CATSPER1: variants seen among roughly 807,000 people sequenced by gnomAD.
CATSPER1 encodes the protein cation channel sperm associated 1.
A neutral mutation model predicts 72.7 loss-of-function variants in CATSPER1; 57 were observed. That is an observed-to-expected ratio of 0.78 (90% CI 0.63 to 0.98). The LOEUF (loss-of-function observed/expected upper bound fraction) is 0.98, where lower values mean the gene tolerates loss of function less well. Among genes scored for constraint, CATSPER1 ranks in the 50% least tolerant of loss-of-function variants. The probability of loss-of-function intolerance (pLI) is 0.00; values close to 1 mark genes in which losing one functional copy is unlikely to be tolerated. For missense variants in CATSPER1, 910 were observed against 1,033.9 expected (o/e 0.88, Z 1.64); for synonymous variants, 363 against 403.0 (o/e 0.90, Z 1.19).
In CATSPER1 at chr11:66,023,058, C is replaced by A. The variant is rs1030798955; in HGVS notation, c.1220G>T (p.Gly407Val). 1.9e-6 allele frequency: 3 copies of A among 1,613,750 alleles called. No individual in the cohort carries two copies. Among genetic ancestry groups the A allele is most frequent in the African/African-American group, 1.3e-5 (1 of 74,938 alleles). ...CTTCTTGCGGGTCCGCTGGAGCCGG[C>A]CGGCTGAAAGGAACAGGGCCAGAAA... ...EEGQFQKRKT[G>V]RLQRTRKKGH... The change falls in exon 2 of 12, where the codon GGC becomes GTC. Residue 407 changes from glycine (G) to valine (V), a missense_variant. Gly to Val is a moderately radical substitution (Grantham distance 109). Transcript: ENST00000312106.
chr11:66,025,975 G>T lies in CATSPER1; in HGVS notation c.405C>A (p.Phe135Leu). The T allele has an allele frequency of 6.2e-7, 1 of 1,613,830 alleles. No individual in the cohort carries two copies. Among genetic ancestry groups the T allele is most frequent in the Non-Finnish European group, 8.5e-7 (1 of 1,179,952 alleles). The change falls in exon 1 of 12, where the codon TTC becomes TTA. Residue 135 changes from phenylalanine to leucine, a missense_variant. Transcript: ENST00000312106. ...GGTAATGGGAGTCACTCTGCTGATGGAACCCACCGTATTGGGACCCATCAT... is the reference window on the plus strand; with the variant it reads ...GGTAATGGGAGTCACTCTGCTGATGTAACCCACCGTATTGGGACCCATCAT... The part of the protein sequence containing the change: ...RHHDGSQYGG[F>L]HQQSDSHYHR...
At position 66,022,895 on chromosome 11, in the gene CATSPER1, G is replaced by C. The variant is rs1186337093; in HGVS notation, c.1383C>G (p.Thr461=). The C allele has an allele frequency of 2.5e-6, 4 of 1,614,118 alleles. No individual in the cohort carries two copies. The highest frequency in any genetic ancestry group is 3.4e-6 in the Non-Finnish European group (4 of 1,180,052). The change falls in exon 2 of 12, where the codon ACC becomes ACG. Residue 461 remains threonine, a synonymous_variant. Transcript: ENST00000312106. ...CGAAGGTCTGGGCCACCAGCATGAC[G>C]GTGTTGAGGCAGACAACGAAGAAGA... ...TFIFFVVCLN[T]VMLVAQTFAE...
chr11:66,022,654 G>T (rs1015820749), intron 2 of CATSPER1, among the ~76,000 whole-genome samples, 195 bp downstream of exon 2: 1 of 152,268 alleles, frequency 6.6e-6, no homozygotes, highest in Non-Finnish European at 1.5e-5. Context: ...CGCCTAGCGG[G>T]TCCTTCTGTC....
In CATSPER1 at chr11:66,016,919, G is replaced by A; in HGVS notation, c.2317-3C>T. ...TTCCTGAAGTCCTCTTCTCCAGCCT[G>A]CAGGGGTGAGTGGGGCACTGGTGGG... On this transcript the variant is annotated splice_polypyrimidine_tract_variant and splice_region_variant and intron_variant, in intron 11 of 11. Transcript: ENST00000312106. 6.2e-7 allele frequency: 1 copy of A among 1,614,118 alleles called. No homozygotes were observed. The highest frequency in any genetic ancestry group is 8.5e-7 in the Non-Finnish European group (1 of 1,179,978).
rs566511586 is a variant in CATSPER1 at position 66,020,105 on chromosome 11, C to T, written c.2125+35G>A. On this transcript the variant is annotated intron_variant, in intron 9 of 11. Coordinates refer to ENST00000312106, the MANE Select transcript of CATSPER1 (RefSeq NM_053054.4). The surrounding 1 kb of genome is among the most constrained non-coding windows in gnomAD (Gnocchi z 4.5). ...TGGAGAGACTGGCCCCCACTGCGGA[C>T]GGGCAGGTGGGGCCAGGGCGGGCCA... The T allele has an allele frequency of 5.2e-5, 84 of 1,605,234 alleles. No homozygotes were observed. In the East Asian group the frequency reaches 8.2e-4, roughly 16 times the overall value.
At chr11:66,022,485 G>C (rs1856394553) in intron 2 of CATSPER1, among the ~76,000 whole-genome samples, 1 of 152,258 alleles carries the variant, frequency 6.6e-6, no homozygotes, top group Admixed American at 6.5e-5. Context: ...GGCGTTGGAG[G>C]GCCCAGCCTT....
chr11:66,021,451 C>G, intron 4 of CATSPER1, 45 bp downstream of exon 4: 1 of 1,606,262 alleles, frequency 6.2e-7, no homozygotes, highest in Non-Finnish European at 8.5e-7. Context: ...TGTGTCCCCT[C>G]TTCCTTTGGA....
intron 2 of CATSPER1, 148 bp downstream of exon 2, chr11:66,022,697 GCTCT>G (rs1320839338): frequency 2.8e-5 from 20 of 717,544 alleles, no homozygotes; most frequent in Non-Finnish European, 4.2e-5. Flanking sequence ...TTTCTGAGAC[GCTCT>G]CTAATACTGG....
At position 66,021,380 on chromosome 11, in the gene CATSPER1, G is replaced by C. The variant is rs111960185; in HGVS notation, c.1691+116C>G. On this transcript the variant is annotated intron_variant, in intron 4 of 11. Coordinates refer to ENST00000312106, the MANE Select transcript of CATSPER1 (RefSeq NM_053054.4). ...AGAAGGCAGAAGCAGGCTGGGGTCA[G>C]CAGCCTCCTGCGCCCCCATCCCTTG... 8.1e-3 allele frequency: 11,114 copies of C among 1,368,314 alleles called. 604 individuals are homozygous for C. In the East Asian group the frequency reaches 0.16, roughly 19 times the overall value. The allele number at this position is 1,368,314 out of a possible 1,614,324, so 84.8% of individuals were successfully genotyped here.
chr11:66,025,860 G>T lies in CATSPER1; in HGVS notation c.520C>A (p.His174Asn), dbSNP rs1363608134. 6.2e-7 allele frequency: 1 copy of T among 1,613,576 alleles called. No individual in the cohort carries two copies. Among genetic ancestry groups the T allele is most frequent in the Admixed American group, 1.7e-5 (1 of 59,990 alleles). Residue 174 changes from histidine (H) to asparagine (N), a missense_variant, in exon 1 of 12, where the codon CAC (histidine) becomes AAC (asparagine). His to Asn is a moderately conservative substitution (Grantham distance 68). Coordinates refer to ENST00000312106, the MANE Select transcript of CATSPER1 (RefSeq NM_053054.4). ...TGGGGGAGGTAGGACCCACCATGGTGGGAAGCCTCACCGTGGTGGGGCACG... is the reference window on the plus strand; with the variant it reads ...TGGGGGAGGTAGGACCCACCATGGTTGGAAGCCTCACCGTGGTGGGGCACG... ...SGVPHHGEAS[H>N]HGGSYLPHGP... is the part of the protein sequence containing the mutation.
At chr11:66,021,329 T>C (rs1856363615) in intron 4 of CATSPER1, 144 bp from the exon 5 acceptor site, 2 of 1,194,366 alleles carry the variant, frequency 1.7e-6, no homozygotes, top group Middle Eastern at 2.8e-4. Context: ...TCTGGAAAAA[T>C]GAAGGGGCTG....
In CATSPER1 at chr11:66,021,493, G is replaced by A. The variant is rs1421184353; in HGVS notation, c.1691+3C>T. ...ACCCCAGGTGGGAGCCGTGGCCACT[G>A]ACCTGAGCCTCCGCAGGACCCGGAT... On this transcript the variant is annotated splice_donor_region_variant and intron_variant, in intron 4 of 11. Coordinates refer to ENST00000312106, the MANE Select transcript of CATSPER1 (RefSeq NM_053054.4). 6.2e-7 allele frequency: 1 copy of A among 1,612,826 alleles called. No individual in the cohort carries two copies. Among genetic ancestry groups the A allele is most frequent in the South Asian group, 1.1e-5 (1 of 91,028 alleles).
chr11:66,025,647 C>G lies in CATSPER1; in HGVS notation c.733G>C (p.Glu245Gln). 6.2e-7 allele frequency: 1 copy of G among 1,613,656 alleles called. No individual in the cohort carries two copies. The highest frequency in any genetic ancestry group is 8.5e-7 in the Non-Finnish European group (1 of 1,179,892). ...HQHGKSPHHG[E>Q]TISPHSSVGS... ...ACAGAGGAATGAGGGGAAATGGTCTCTCCGTGATGAGGAGACTTTCCATGC... is the reference window on the plus strand; with the variant it reads ...ACAGAGGAATGAGGGGAAATGGTCTGTCCGTGATGAGGAGACTTTCCATGC... Residue 245 changes from glutamate to glutamine, a missense_variant, in exon 1 of 12, where the codon GAG becomes CAG. Coordinates refer to ENST00000312106, the MANE Select transcript of CATSPER1 (RefSeq NM_053054.4).
intron 5 of CATSPER1, 57 bp from the exon 6 acceptor site, chr11:66,021,011 C>T (rs976349185): frequency 7.7e-5 from 124 of 1,611,296 alleles, no homozygotes; most frequent in South Asian, 2.2e-4. Context: ...CAGCGCCCCT[C>T]GTCCTGCCCC....
chr11:66,023,468 A>C (rs571424044), intron 1 of CATSPER1, among the ~76,000 whole-genome samples: 33 of 152,256 alleles, frequency 2.2e-4, no homozygotes, highest in African/African-American at 7.5e-4. Flanking sequence ...ACAAGCCCGG[A>C]TTCCCAGGCT....
chr11:66,020,269 C>A lies in CATSPER1; in HGVS notation c.2064+48G>T, dbSNP rs1590681491. On this transcript the variant is annotated intron_variant, in intron 8 of 11. Coordinates refer to ENST00000312106, the MANE Select transcript of CATSPER1 (RefSeq NM_053054.4). This position sits in a 1 kb window ranked among gnomAD's most constrained non-coding sequence, Gnocchi z 4.5. ...TCAACCCTGGAGGCCCCTGGCCTCA[C>A]TCCTCCAGCTTCCTGATCTGGTCCA... 2.5e-6 allele frequency: 4 copies of A among 1,613,976 alleles called. No homozygotes were observed. In the East Asian group the frequency reaches 8.9e-5, roughly 36 times the overall value.
In CATSPER1 at chr11:66,026,354, T is replaced by C; in HGVS notation, c.26A>G (p.Lys9Arg). 3.1e-6 allele frequency: 5 copies of C among 1,613,640 alleles called. No homozygotes were observed. The highest frequency in any genetic ancestry group is 4.2e-6 in the Non-Finnish European group (5 of 1,179,860). The change falls in exon 1 of 12, where the codon AAG (lysine) becomes AGG (arginine). Residue 9 changes from lysine to arginine, a missense_variant. Physicochemically the swap from Lys to Arg is conservative, Grantham distance 26 (BLOSUM62 2). Coordinates refer to ENST00000312106, the MANE Select transcript of CATSPER1 (RefSeq NM_053054.4). Reference sequence around the variant, plus strand: ...ATTGGTGTCTGCCTCATTCTGAGCCTTTTCAGGCACTGAGTTTTGATCCAT... The same window carrying C: ...ATTGGTGTCTGCCTCATTCTGAGCCCTTTCAGGCACTGAGTTTTGATCCAT... MDQNSVPE[K>R]AQNEADTNNA... is the part of the protein sequence containing the mutation.
chr11:66,017,208 G>C lies in CATSPER1; in HGVS notation c.2202-34C>G, dbSNP rs200453781. ...GGGCGGGGGGGTCGCAGAGACAGGG[G>C]CTGGGCTGACCTGCTGGCTGGGCCT... On this transcript the variant is annotated intron_variant, in intron 10 of 11. Transcript: ENST00000312106. 6.4e-5 allele frequency: 95 copies of C among 1,491,820 alleles called. No individual in the cohort carries two copies. The African/African-American group carries it at 9.6e-4, about 15-fold the overall frequency. The allele number at this position is 1,491,820 out of a possible 1,614,324, so 92.4% of individuals were successfully genotyped here.
Position 66,025,337 on chromosome 11 carries a change from A to C in CATSPER1, c.1043T>G (p.Val348Gly), listed in dbSNP as rs765282436. The change falls in exon 1 of 12, where the codon GTC (valine) becomes GGC (glycine). Residue 348 changes from valine (V) to glycine (G), a missense_variant. Physicochemically the swap from Val to Gly is moderately radical, Grantham distance 109 (BLOSUM62 -3). Transcript: ENST00000312106. Reference protein sequence around the residue: ...APGPAASRTGVFPYHVAHPRG... With the variant: ...APGPAASRTGGFPYHVAHPRG... ...TGGGTGTGCTACGTGATAGGGGAAG[A>C]CTCCTGTACGAGAAGCAGCAGGGCC... The C allele has an allele frequency of 6.2e-7, 1 of 1,613,642 alleles. No homozygotes were observed. Among genetic ancestry groups the C allele is most frequent in the Non-Finnish European group, 8.5e-7 (1 of 1,179,878 alleles).
Sources: allele counts gnomAD v4.1 joint callset (sites outside exome capture counted in the v4.1 genomes callset), GRCh38; gene constraint gnomAD v4.1.1; non-coding constraint Gnocchi (gnomAD v3.1); transcripts MANE v1.5; gene names NCBI Gene and HGNC (gene_info 2026-07-23, HGNC 2026-07-21).